The following FBLN2 variants were observed in gnomAD, a reference collection of about 807,000 sequenced individuals.
FBLN2 encodes fibulin-2.
A neutral mutation model predicts 123.7 loss-of-function variants in FBLN2; 81 were observed. That is an observed-to-expected ratio of 0.65 (90% CI 0.55 to 0.79). FBLN2 has a LOEUF of 0.79. Among genes scored for constraint, FBLN2 ranks in the 30% least tolerant of loss-of-function variants. FBLN2 has a pLI of 0.00. For synonymous variants in FBLN2, 699 were observed against 701.4 expected, an observed-to-expected ratio of 1.00 and a Z score of 0.05; for missense variants, 1,603 against 1,681.3, an observed-to-expected ratio of 0.95 and a Z score of 0.81.
At chr3:13,617,130 C>G (rs1177217393) in intron 5 of FBLN2, among the ~76,000 whole-genome samples, 2 of 139,916 alleles carry the variant, frequency 1.4e-5, no homozygotes, top group Non-Finnish European at 3.0e-5. Flanking sequence ...ATTCATTTGC[C>G]CATCCATTCA....
At chr3:13,554,521 C>T (rs1483624445) in intron 1 of FBLN2, among the ~76,000 whole-genome samples, 3 of 151,678 alleles carry the variant, frequency 2.0e-5, no homozygotes, top group East Asian at 1.9e-4. Flanking sequence ...CCCACACACA[C>T]GTTCTCTCTT....
intron 17 of FBLN2, among the ~76,000 whole-genome samples, chr3:13,637,075 G>A (rs1706499745): frequency 6.6e-6 from 1 of 152,190 alleles, no homozygotes; most frequent in Admixed American, 6.5e-5. Context: ...CCAGCTCAGT[G>A]TATCAGAAGT....
intron 2 of FBLN2, among the ~76,000 whole-genome samples, chr3:13,576,756 T>C (rs1704160393): frequency 6.7e-6 from 1 of 148,272 alleles, no homozygotes. Flanking sequence ...ATCCACCCAG[T>C]ATTTATAGCG....
intron 2 of FBLN2, among the ~76,000 whole-genome samples, chr3:13,588,347 C>T (rs1049238797): frequency 6.6e-6 from 1 of 152,236 alleles, no homozygotes; most frequent in African/African-American, 2.4e-5. Context: ...ACGATGACGA[C>T]ACCACCTAAC....
At chr3:13,612,294 C>CCTTCCTTTCTTTCTTT (rs1553620958) in intron 4 of FBLN2, among the ~76,000 whole-genome samples, 3 of 117,284 alleles carry the variant, frequency 2.6e-5, no homozygotes, top group African/African-American at 1.2e-4. Context: ...CTTTTATTTT[C>CCTTCCTTTCTTTCTTT]CTTTCTTTCT....
chr3:13,562,112 G>C (rs1354720022), intron 1 of FBLN2, among the ~76,000 whole-genome samples: 2 of 152,164 alleles, frequency 1.3e-5, no homozygotes, highest in Non-Finnish European at 2.9e-5. Context: ...CAGTGAACTA[G>C]ATGACTTCCT....
rs766048656 is a variant in FBLN2, at chr3:13,609,583, A to G, written c.1489A>G (p.Lys497Glu). The part of the protein sequence containing the change: ...KSCMAGVLGA[K>E]EGETCGAEDN... Reference sequence around the variant, plus strand: ...CTGCATGGCCGGCGTCCTGGGAGCCAAGGAGGGTGAGACCTGTGGGGCTGA... The same window carrying G: ...CTGCATGGCCGGCGTCCTGGGAGCCGAGGAGGGTGAGACCTGTGGGGCTGA... The change falls in exon 4 of 18, where the codon AAG becomes GAG. Residue 497 changes from lysine to glutamate, a missense_variant. Coordinates refer to ENST00000404922, the MANE Select transcript of FBLN2 (RefSeq NM_001004019.2). 2.3e-5 allele frequency: 36 copies of G among 1,551,442 alleles called. No homozygotes were observed. The highest frequency in any genetic ancestry group is 9.6e-5 in the Admixed American group (5 of 52,082).
At chr3:13,607,613 C>G in intron 2 of FBLN2, among the ~76,000 whole-genome samples, 1 of 152,174 alleles carries the variant, frequency 6.6e-6, no homozygotes, top group East Asian at 1.9e-4. Flanking sequence ...CCTGTCTTAG[C>G]ATCTTAGGTT....
intron 2 of FBLN2, among the ~76,000 whole-genome samples, chr3:13,605,603 A>G (rs182289242): frequency 3.5e-4 from 53 of 152,004 alleles, no homozygotes; most frequent in Non-Finnish European, 1.0e-4. Flanking sequence ...CCTCCCCCCC[A>G]GTGATGGACA....
chr3:13,566,066 T>C (rs958077889), intron 1 of FBLN2, among the ~76,000 whole-genome samples: 14 of 152,242 alleles, frequency 9.2e-5, no homozygotes, highest in Non-Finnish European at 1.6e-4. Context: ...GCAGTGTGAC[T>C]GCCTGGCTGG....
chr3:13,576,290 C>T (rs1039209541), intron 2 of FBLN2, among the ~76,000 whole-genome samples: 2 of 152,170 alleles, frequency 1.3e-5, no homozygotes, highest in African/African-American at 4.8e-5. Context: ...CCCCTCATGC[C>T]CCCTCCTTCA....
At chr3:13,566,936 A>T (rs923946754) in intron 1 of FBLN2, among the ~76,000 whole-genome samples, 2 of 152,246 alleles carry the variant, frequency 1.3e-5, no homozygotes, top group Non-Finnish European at 1.5e-5. Flanking sequence ...CACTGGGTGG[A>T]TGCAGAACCA....
At chr3:13,588,132 A>G (rs1704564822) in intron 2 of FBLN2, among the ~76,000 whole-genome samples, 1 of 152,186 alleles carries the variant, frequency 6.6e-6, no homozygotes. Flanking sequence ...TTTATCTTTT[A>G]TATCATACTC....
intron 9 of FBLN2, among the ~76,000 whole-genome samples, chr3:13,625,148 G>A (rs1705992238): frequency 6.6e-6 from 1 of 151,104 alleles, no homozygotes; most frequent in Non-Finnish European, 1.5e-5. Flanking sequence ...TTCTGAGTTG[G>A]TGGCCTCTGT....
At chr3:13,584,187 A>C (rs1337194448) in intron 2 of FBLN2, among the ~76,000 whole-genome samples, 1 of 152,226 alleles carries the variant, frequency 6.6e-6, no homozygotes, top group African/African-American at 2.4e-5. Context: ...GACAGCTCCC[A>C]ATTTGTAAAT....
At chr3:13,633,991 A>ACACACACACACACACACACACACACACC in intron 16 of FBLN2, among the ~76,000 whole-genome samples, 1 of 151,630 alleles carries the variant, frequency 6.6e-6, no homozygotes. Flanking sequence ...ACACACACAC[A>ACACACACACACACACACACACACACACC]CACAGCTGAA....
chr3:13,580,775 C>G (rs1704299578), intron 2 of FBLN2, among the ~76,000 whole-genome samples: 1 of 152,344 alleles, frequency 6.6e-6, no homozygotes, highest in African/African-American at 2.4e-5. Context: ...ATAAATTACC[C>G]ATTGTCACAG....
At chr3:13,606,853 A>G (rs1275305984) in intron 2 of FBLN2, among the ~76,000 whole-genome samples, 2 of 150,544 alleles carry the variant, frequency 1.3e-5, no homozygotes, top group Non-Finnish European at 3.0e-5. Flanking sequence ...GAGTTTCTCC[A>G]TGTTGGTCAG....
At chr3:13,630,166 G>A (rs1176257926) in intron 14 of FBLN2, among the ~76,000 whole-genome samples, 3 of 152,288 alleles carry the variant, frequency 2.0e-5, no homozygotes, top group East Asian at 3.9e-4. Context: ...CCCCTGCTGA[G>A]GTCCTGGGGC....
Sources: allele counts gnomAD v4.1 joint callset (sites outside exome capture counted in the v4.1 genomes callset), GRCh38; gene constraint gnomAD v4.1.1; transcripts MANE v1.5; gene names NCBI Gene and HGNC (gene_info 2026-07-23, HGNC 2026-07-21).